GJB7: variants seen among roughly 807,000 people sequenced by gnomAD.
GJB7 encodes the protein gap junction beta-7 protein.
For missense variants in GJB7, 253 were observed against 256.8 expected, an observed-to-expected ratio of 0.99 and a Z score of 0.10; for synonymous variants, 87 against 95.2, an observed-to-expected ratio of 0.91 and a Z score of 0.50.
At chr6:87,289,013 A>G (rs1487254159) in intron 2 of GJB7, among the ~76,000 whole-genome samples, 2 of 152,134 alleles carry the variant, frequency 1.3e-5, no homozygotes, top group Non-Finnish European at 2.9e-5. Context: ...AGGGTAGGGG[A>G]AAAAAGGCCA....
At chr6:87,302,861 G>C (rs746080046) in intron 2 of GJB7, among the ~76,000 whole-genome samples, 1 of 152,174 alleles carries the variant, frequency 6.6e-6, no homozygotes, top group Non-Finnish European at 1.5e-5. Context: ...AGAAGAGAGT[G>C]GGGGCCAATA....
chr6:87,284,326 A>T lies in GJB7; in HGVS notation c.587T>A (p.Ile196Asn). ...TSCLCIVLNF[I>N]ELSFLVLKCF... ...CTTGAGAACCAAAAAACTCAGTTCA[A>T]TGAAATTCAACACAATACACAAGCA... Residue 196 changes from isoleucine to asparagine, a missense_variant, in exon 3 of 3, where the codon ATT becomes AAT. Ile to Asn is a moderately radical substitution (Grantham distance 149). Coordinates refer to ENST00000525899, the MANE Select transcript of GJB7 (RefSeq NM_198568.3). 1.2e-6 allele frequency: 2 copies of T among 1,614,156 alleles called. No individual in the cohort carries two copies. Among genetic ancestry groups the T allele is most frequent in the Non-Finnish European group, 1.7e-6 (2 of 1,179,992 alleles).
At chr6:87,285,584 G>A (rs1039364165) in intron 2 of GJB7, among the ~76,000 whole-genome samples, 14 of 152,332 alleles carry the variant, frequency 9.2e-5, no homozygotes, top group South Asian at 4.1e-4. Flanking sequence ...AGTTTGGAAA[G>A]AGAGTCTCCC....
chr6:87,304,899 A>C (rs1052145619), intron 2 of GJB7, among the ~76,000 whole-genome samples: 5 of 152,256 alleles, frequency 3.3e-5, no homozygotes, highest in Admixed American at 6.5e-5. Context: ...GTAATCCAGC[A>C]TATAAACAGA....
intron 2 of GJB7, among the ~76,000 whole-genome samples, chr6:87,315,607 C>T (rs947699874): frequency 3.9e-5 from 6 of 151,978 alleles, no homozygotes; most frequent in African/African-American, 1.4e-4. Flanking sequence ...GCCTGGCCAA[C>T]ATGGCAAAAC....
chr6:87,287,158 A>G (rs534661200), intron 2 of GJB7, among the ~76,000 whole-genome samples: 10 of 152,288 alleles, frequency 6.6e-5, no homozygotes, highest in African/African-American at 2.4e-4. Flanking sequence ...TTAACTTTCT[A>G]CCATAACCTG....
intron 2 of GJB7, among the ~76,000 whole-genome samples, chr6:87,302,266 G>A (rs1380622371): frequency 6.6e-6 from 1 of 150,606 alleles, no homozygotes; most frequent in Admixed American, 6.6e-5. Flanking sequence ...TCGCAAAGAA[G>A]CTAAAAGCCT....
At chr6:87,328,424 G>A (rs1776894697) in intron 1 of GJB7, among the ~76,000 whole-genome samples, 1 of 151,966 alleles carries the variant, frequency 6.6e-6, no homozygotes, top group Middle Eastern at 3.2e-3. Context: ...GTACAGATGG[G>A]TTTTTGGTGT....
intron 2 of GJB7, among the ~76,000 whole-genome samples, chr6:87,286,383 A>G (rs150082350): frequency 5.9e-5 from 9 of 152,228 alleles, no homozygotes; most frequent in East Asian, 5.8e-4. Flanking sequence ...ATTGCCCACA[A>G]AGTTCTTCAG....
intron 2 of GJB7, among the ~76,000 whole-genome samples, chr6:87,309,160 T>C (rs1471516444): frequency 6.6e-6 from 1 of 152,160 alleles, no homozygotes; most frequent in Non-Finnish European, 1.5e-5. Context: ...CTGATTCACC[T>C]TGTTGGTGTG....
rs1424387305 is a variant in GJB7 at position 87,284,420 on chromosome 6, T to C, written c.493A>G (p.Thr165Ala). ...GGTTTGGAGATGAAGCAGTCCACAG[T>C]GTTGGGACAAGGCTTCAAATCACAC... Reference protein sequence around the residue: ...IKCDLKPCPNTVDCFISKPTE... With the variant: ...IKCDLKPCPNAVDCFISKPTE... Residue 165 changes from threonine to alanine, a missense_variant, in exon 3 of 3, where the codon ACT (threonine) becomes GCT (alanine). Transcript: ENST00000525899. The C allele has an allele frequency of 6.2e-7, 1 of 1,614,042 alleles. No homozygotes were observed.
At chr6:87,306,229 A>G (rs1481145748) in intron 2 of GJB7, among the ~76,000 whole-genome samples, 1 of 152,208 alleles carries the variant, frequency 6.6e-6, no homozygotes, top group Non-Finnish European at 1.5e-5. Flanking sequence ...CTACCGTCAG[A>G]GTGAATAGGC....
intron 2 of GJB7, among the ~76,000 whole-genome samples, chr6:87,285,517 C>T (rs1776044541): frequency 1.3e-5 from 2 of 152,190 alleles, no homozygotes; most frequent in Non-Finnish European, 2.9e-5. Context: ...TTTCCTTAAA[C>T]TCTGCTCCTT....
At chr6:87,323,694 T>C (rs1025316389) in intron 1 of GJB7, among the ~76,000 whole-genome samples, 1 of 152,204 alleles carries the variant, frequency 6.6e-6, no homozygotes, top group Non-Finnish European at 1.5e-5. Context: ...TTTGGGTTGG[T>C]TCCAGGTCTT....
chr6:87,304,860 G>A, intron 2 of GJB7, among the ~76,000 whole-genome samples: 1 of 152,182 alleles, frequency 6.6e-6, no homozygotes, highest in East Asian at 1.9e-4. Flanking sequence ...GGTTTGCAAG[G>A]CTGGTTCAAC....
At chr6:87,318,662 C>A (rs1467810678) in intron 2 of GJB7, among the ~76,000 whole-genome samples, 1 of 152,114 alleles carries the variant, frequency 6.6e-6, no homozygotes, top group African/African-American at 2.4e-5. Context: ...AAGGGTGACC[C>A]CCCAGAGTCA....
At chr6:87,323,959 T>G (rs913334259) in intron 1 of GJB7, among the ~76,000 whole-genome samples, 13 of 151,586 alleles carry the variant, frequency 8.6e-5, no homozygotes, top group African/African-American at 2.7e-4. Context: ...TTTTAATGAT[T>G]GCCATTCTAA....
chr6:87,313,969 T>A (rs1776546417), intron 2 of GJB7, among the ~76,000 whole-genome samples: 1 of 152,254 alleles, frequency 6.6e-6, no homozygotes, highest in Admixed American at 6.5e-5. Context: ...TGAGGGGATG[T>A]GGATGTTTTG....
At chr6:87,317,913 T>C (rs1776605795) in intron 2 of GJB7, among the ~76,000 whole-genome samples, 1 of 152,128 alleles carries the variant, frequency 6.6e-6, no homozygotes. Context: ...AGAATTAAAA[T>C]GTTTTCATCT....
Sources: gnomAD v4.1 joint callset for allele counts (sites outside exome capture counted in the v4.1 genomes callset) on GRCh38, gnomAD v4.1.1 for gene constraint, MANE v1.5 for transcripts, NCBI Gene and HGNC (gene_info 2026-07-23, HGNC 2026-07-21) for gene names.